DAB1: variants seen among roughly 807,000 people sequenced by gnomAD.
The protein encoded by DAB1 is disabled homolog 1.
In DAB1, 15 loss-of-function variants were observed where a neutral mutation model predicts 64.6. The observed-to-expected ratio is 0.23, with a 90% CI of 0.16 to 0.36. The LOEUF (loss-of-function observed/expected upper bound fraction) is 0.36. Ranked by LOEUF, DAB1 falls within the 10% of genes least tolerant of loss-of-function variation. The pLI is 1.00. For synonymous variants in DAB1, 235 were observed against 251.9 expected, an observed-to-expected ratio of 0.93 and a Z score of 0.64; for missense variants, 596 against 706.7, an observed-to-expected ratio of 0.84 and a Z score of 1.78.
intron 1 of DAB1, among the ~76,000 whole-genome samples, chr1:57,859,907 T>A (rs1416183662): frequency 6.6e-6 from 1 of 152,260 alleles, no homozygotes; most frequent in Non-Finnish European, 1.5e-5. Context: ...TCAGTTTTGC[T>A]AACTTCCTCT....
At chr1:57,051,521 C>A (rs1649187548) in intron 9 of DAB1, among the ~76,000 whole-genome samples, 1 of 152,164 alleles carries the variant, frequency 6.6e-6, no homozygotes, top group Non-Finnish European at 1.5e-5. Context: ...AAGCTTCTGA[C>A]ATGTGCAGCA....
intron 2 of DAB1, among the ~76,000 whole-genome samples, chr1:58,514,958 CA>C (rs938865659): frequency 2.6e-5 from 4 of 152,192 alleles, no homozygotes; most frequent in African/African-American, 9.6e-5. Context: ...TTATGAAGAT[CA>C]AAAGAATAAA....
At chr1:58,087,450 C>T (rs544756032) in intron 5 of DAB1, among the ~76,000 whole-genome samples, 25 of 152,318 alleles carry the variant, frequency 1.6e-4, no homozygotes, top group Middle Eastern at 3.4e-3. Context: ...GTCAGCCAAA[C>T]GTGGCCCTTT....
intron 5 of DAB1, among the ~76,000 whole-genome samples, chr1:58,003,860 G>T (rs1004528863): frequency 6.6e-6 from 1 of 152,202 alleles, no homozygotes; most frequent in Non-Finnish European, 1.5e-5. Context: ...GCTCTGCCTG[G>T]TTCTAAGTCC....
intron 5 of DAB1, among the ~76,000 whole-genome samples, chr1:57,953,763 G>A (rs918258342): frequency 1.3e-5 from 2 of 152,164 alleles, no homozygotes; most frequent in African/African-American, 4.8e-5. Flanking sequence ...GGAGAGAAAG[G>A]TTAGCCCCTC....
chr1:57,647,489 C>A (rs1313056981), intron 7 of DAB1, among the ~76,000 whole-genome samples: 1 of 152,094 alleles, frequency 6.6e-6, no homozygotes, highest in African/African-American at 2.4e-5. Context: ...ATAACGTCCC[C>A]CTAGAGAAGT....
intron 5 of DAB1, among the ~76,000 whole-genome samples, chr1:57,928,632 A>G (rs1644912555): frequency 6.6e-6 from 1 of 152,172 alleles, no homozygotes; most frequent in South Asian, 2.1e-4. Context: ...TATACCTACT[A>G]CCAACCTCTA....
intron 7 of DAB1, among the ~76,000 whole-genome samples, chr1:57,636,066 C>T (rs932878841): frequency 1.4e-5 from 2 of 145,336 alleles, no homozygotes; most frequent in Non-Finnish European, 3.0e-5. Flanking sequence ...CACAGCAGTC[C>T]GGCCTGGGCA....
At chr1:57,137,094 G>T (rs916674935) in intron 3 of DAB1, among the ~76,000 whole-genome samples, 4 of 151,884 alleles carry the variant, frequency 2.6e-5, no homozygotes, top group African/African-American at 9.7e-5. Flanking sequence ...ATCAATTTTA[G>T]ATAATAGAAA....
intron 1 of DAB1, chr1:58,530,556 T>C (rs1557455425): frequency 1.2e-6 from 1 of 827,366 alleles, no homozygotes; most frequent in Non-Finnish European, 2.1e-6. Context: ...TTAAAATATC[T>C]TCACCAGAGG....
chr1:58,221,360 G>A (rs963180611), intron 4 of DAB1, among the ~76,000 whole-genome samples: 3 of 152,206 alleles, frequency 2.0e-5, no homozygotes, highest in African/African-American at 7.2e-5. Context: ...TCAAAGAGCT[G>A]TATTGAAAGA....
chr1:57,021,926 G>T (rs940556975), intron 11 of DAB1, among the ~76,000 whole-genome samples: 8 of 151,980 alleles, frequency 5.3e-5, no homozygotes, highest in African/African-American at 1.9e-4. Flanking sequence ...TGACTACAGG[G>T]GCTCCACTTA....
At position 57,909,497 on chromosome 1, in the gene DAB1, C is replaced by G. The variant is rs560726739; in HGVS notation, n.388-25335G>C. ...ATTGAACTTAGAAAAAGACCTGACA[C>G]CCCTGAACTTAAAAAGTGAACAGAA... On this transcript the variant is annotated intron_variant and non_coding_transcript_variant, in intron 5 of 20. Transcript: ENST00000485760. Among the ~76,000 whole-genome samples the G allele has an allele frequency of 3.9e-5, 6 of 152,142 alleles. No individual in the cohort carries two copies. In the East Asian group the frequency reaches 1.2e-3, roughly 29 times the overall value.
At chr1:57,027,536 C>A (rs1646831600) in intron 9 of DAB1, among the ~76,000 whole-genome samples, 1 of 152,194 alleles carries the variant, frequency 6.6e-6, no homozygotes, top group Non-Finnish European at 1.5e-5. Flanking sequence ...GACCGCTGGG[C>A]CCAGATAGTA....
chr1:58,458,979 T>C (rs1325071050), intron 3 of DAB1, among the ~76,000 whole-genome samples: 1 of 152,142 alleles, frequency 6.6e-6, no homozygotes, highest in African/African-American at 2.4e-5. Flanking sequence ...AGTGGTGAGA[T>C]AATATATGTG....
chr1:57,651,163 A>T (rs12407619), intron 6 of DAB1, among the ~76,000 whole-genome samples: 2,483 of 152,286 alleles, frequency 0.016, 42 homozygotes, highest in Admixed American at 0.046. Context: ...AAACAAAAAA[A>T]AAAAGATCTT....
chr1:58,106,627 T>C (rs1285425255), intron 5 of DAB1, among the ~76,000 whole-genome samples: 1 of 152,196 alleles, frequency 6.6e-6, no homozygotes, highest in African/African-American at 2.4e-5. Context: ...AACACTGAAA[T>C]TGTGGCTTTA....
At chr1:57,496,955 A>G (rs750370805) in intron 7 of DAB1, among the ~76,000 whole-genome samples, 5 of 152,208 alleles carry the variant, frequency 3.3e-5, no homozygotes, top group Non-Finnish European at 4.4e-5. Flanking sequence ...CTCACTTTCT[A>G]CTGGCACGAC....
chr1:58,079,701 A>G (rs1161184174), intron 5 of DAB1, among the ~76,000 whole-genome samples: 2 of 151,624 alleles, frequency 1.3e-5, no homozygotes, highest in East Asian at 3.9e-4. Flanking sequence ...TTGTATTTTT[A>G]GTAGAGACAG....
Sources: gnomAD v4.1 joint callset for allele counts (sites outside exome capture counted in the v4.1 genomes callset) on GRCh38, gnomAD v4.1.1 for gene constraint, MANE v1.5 for transcripts, NCBI Gene and HGNC (gene_info 2026-07-23, HGNC 2026-07-21) for gene names.